OR5V1: variants seen among roughly 807,000 people sequenced by gnomAD.
OR5V1 encodes the protein olfactory receptor 5V1.
For synonymous variants in OR5V1, 134 were observed against 143.2 expected, an observed-to-expected ratio of 0.94 and a Z score of 0.46; for missense variants, 365 against 371.5, an observed-to-expected ratio of 0.98 and a Z score of 0.14.
At chr6:29,359,677 C>T (rs948129878) in intron 1 of OR5V1, among the ~76,000 whole-genome samples, 7 of 152,270 alleles carry the variant, frequency 4.6e-5, no homozygotes, top group Non-Finnish European at 5.9e-5. Flanking sequence ...GGTGTGGCAT[C>T]GCCTCACTCG....
intron 1 of OR5V1, among the ~76,000 whole-genome samples, chr6:29,363,820 C>A (rs995882769): frequency 2.6e-5 from 4 of 152,112 alleles, no homozygotes; most frequent in African/African-American, 9.7e-5. Flanking sequence ...CTATTCACAA[C>A]AAACCCATAG....
chr6:29,368,461 A>G (rs1033174238), intron 1 of OR5V1, among the ~76,000 whole-genome samples, 171 bp downstream of exon 1: 1 of 152,136 alleles, frequency 6.6e-6, no homozygotes, highest in African/African-American at 2.4e-5. Context: ...GCTGATTGTC[A>G]CCCAAAGCAT....
At chr6:29,360,593 G>C (rs1778521747) in intron 1 of OR5V1, among the ~76,000 whole-genome samples, 1 of 152,192 alleles carries the variant, frequency 6.6e-6, no homozygotes, top group Non-Finnish European at 1.5e-5. Flanking sequence ...GGCAGTAATA[G>C]TTGCCGTTCT....
At position 29,363,278 on chromosome 6, in the gene OR5V1, A is replaced by C. The variant is rs185847741; in HGVS notation, c.-83+5354T>G. 8.6e-3 allele frequency among the ~76,000 whole-genome samples: 1,317 copies of C among 152,326 alleles called. 10 individuals carry two copies. Among genetic ancestry groups the C allele is most frequent in the Non-Finnish European group, 0.013 (893 of 68,022 alleles). On this transcript the variant is annotated intron_variant, in intron 1 of 1. Coordinates refer to ENST00000641768, the MANE Select transcript of OR5V1 (RefSeq NM_030876.6). ...AAGTCGAATCCCTGAATAGACCAAT[A>C]ACAAGTACTGAAATTGAGGCAGTAA...
Position 29,355,215 on chromosome 6 carries a change from T to C in OR5V1, c.*15A>G, listed in dbSNP as rs373766050. ...AAGTTAATTTTGTAGTATAAGATTATTGAACCTGTGAGGTTCAATAAGTGA... is the reference window on the plus strand; with the variant it reads ...AAGTTAATTTTGTAGTATAAGATTACTGAACCTGTGAGGTTCAATAAGTGA... On this transcript the variant is annotated 3_prime_UTR_variant, in exon 2 of 2. Transcript: ENST00000641768. 1.0e-5 allele frequency: 16 copies of C among 1,550,578 alleles called. No individual in the cohort carries two copies. Among genetic ancestry groups the C allele is most frequent in the African/African-American group, 1.4e-5 (1 of 72,130 alleles).
chr6:29,356,442 C>T (rs1422038826), intron 1 of OR5V1, among the ~76,000 whole-genome samples, 165 bp from the exon 2 acceptor site: 5 of 152,140 alleles, frequency 3.3e-5, no homozygotes, highest in East Asian at 1.9e-4. Flanking sequence ...AAATATACAA[C>T]ACTGGAAGTT....
At chr6:29,368,526 C>T (rs548563387) in intron 1 of OR5V1, 106 bp downstream of exon 1, 1 of 152,168 alleles carries the variant, frequency 6.6e-6, no homozygotes, top group African/African-American at 2.4e-5. Context: ...CATTACACTT[C>T]CATCTCCTAC....
chr6:29,365,940 G>T (rs1006159563), intron 1 of OR5V1, among the ~76,000 whole-genome samples: 8 of 152,192 alleles, frequency 5.3e-5, no homozygotes, highest in Non-Finnish European at 1.0e-4. Flanking sequence ...TAAAGAAAAT[G>T]TGGCACATAT....
intron 1 of OR5V1, among the ~76,000 whole-genome samples, chr6:29,368,322 G>A (rs1173935316): frequency 6.6e-6 from 1 of 152,114 alleles, no homozygotes; most frequent in Non-Finnish European, 1.5e-5. Flanking sequence ...TGGCATTTTA[G>A]TCTCTTTTTG....
At chr6:29,360,772 G>A (rs1186800289) in intron 1 of OR5V1, among the ~76,000 whole-genome samples, 2 of 152,060 alleles carry the variant, frequency 1.3e-5, no homozygotes, top group Non-Finnish European at 2.9e-5. Flanking sequence ...CCATCCAAAG[G>A]TCATCAACCT....
At position 29,355,335 on chromosome 6, in the gene OR5V1, A is replaced by G. The variant is rs757878500; in HGVS notation, c.861T>C (p.Pro287=). ...CCTTATTCCTCAATGTGTAAATTAT[A>G]GGGTTTAGCATGGGGGTAACAACAC... The part of the protein sequence containing the change: ...LYSVVTPMLN[P]IIYTLRNKDI... Residue 287 remains proline, a synonymous_variant, in exon 2 of 2, where the codon CCT becomes CCC. Coordinates refer to ENST00000641768, the MANE Select transcript of OR5V1 (RefSeq NM_030876.6). The G allele has an allele frequency of 1.2e-6, 2 of 1,613,996 alleles. No individual in the cohort carries two copies.
At chr6:29,357,953 A>G (rs527853358) in intron 1 of OR5V1, among the ~76,000 whole-genome samples, 18 of 152,174 alleles carry the variant, frequency 1.2e-4, no homozygotes, top group Admixed American at 2.0e-4. Context: ...TTCAAACTAT[A>G]TACTTTATCG....
intron 1 of OR5V1, among the ~76,000 whole-genome samples, chr6:29,361,654 C>G (rs1213383813): frequency 1.3e-5 from 2 of 152,100 alleles, no homozygotes; most frequent in Non-Finnish European, 2.9e-5. Flanking sequence ...AAAGAATTTT[C>G]AACTCAGAAT....
intron 1 of OR5V1, among the ~76,000 whole-genome samples, chr6:29,367,462 T>A (rs891509087): frequency 2.6e-5 from 4 of 152,204 alleles, no homozygotes; most frequent in Non-Finnish European, 5.9e-5. Context: ...ACTGTTGGAA[T>A]ATAAGGCAGT....
At chr6:29,360,739 A>G (rs9257779) in intron 1 of OR5V1, among the ~76,000 whole-genome samples, 18,821 of 152,182 alleles carry the variant, frequency 0.12, 1,279 homozygotes, top group African/African-American at 0.15. Flanking sequence ...CAACATCAAC[A>G]AAAAGGACCC....
At position 29,358,487 on chromosome 6, in the gene OR5V1, A is replaced by G. The variant is rs1480593089; in HGVS notation, c.-82-2210T>C. ...TATATTCAAAGGAATTGAAATCAGT[A>G]TCTCAAAGAGATATCTGCACTCCCA... On this transcript the variant is annotated intron_variant, in intron 1 of 1. Transcript: ENST00000641768. 2.6e-5 allele frequency among the ~76,000 whole-genome samples: 4 copies of G among 152,242 alleles called. No individual in the cohort carries two copies. The East Asian group carries it at 7.7e-4, about 29-fold the overall frequency.
intron 1 of OR5V1, among the ~76,000 whole-genome samples, chr6:29,356,669 C>T (rs944896158): frequency 3.3e-5 from 5 of 151,842 alleles, no homozygotes; most frequent in Non-Finnish European, 5.9e-5. Context: ...TATTCTTTTC[C>T]GATTAAAATT....
chr6:29,356,339 G>C, intron 1 of OR5V1, 62 bp from the exon 2 acceptor site: 1 of 937,312 alleles, frequency 1.1e-6, no homozygotes, highest in Non-Finnish European at 1.5e-6. Context: ...TCAAACCAGA[G>C]AAGCAGCATT....
At position 29,355,338 on chromosome 6, in the gene OR5V1, G is replaced by T; in HGVS notation, c.858C>A (p.Asn286Lys). The change falls in exon 2 of 2, where the codon AAC (asparagine) becomes AAA (lysine). Residue 286 changes from asparagine to lysine, a missense_variant. Coordinates refer to ENST00000641768, the MANE Select transcript of OR5V1 (RefSeq NM_030876.6). ...TATTCCTCAATGTGTAAATTATAGG[G>T]TTTAGCATGGGGGTAACAACACTGT... ...VLYSVVTPMLNPIIYTLRNKD... is the reference protein window; with the variant it reads ...VLYSVVTPMLKPIIYTLRNKD... The T allele has an allele frequency of 6.2e-7, 1 of 1,613,958 alleles. No individual in the cohort carries two copies. The highest frequency in any genetic ancestry group is 8.5e-7 in the Non-Finnish European group (1 of 1,179,874).
Sources: allele counts gnomAD v4.1 joint callset (sites outside exome capture counted in the v4.1 genomes callset), GRCh38; gene constraint gnomAD v4.1.1; transcripts MANE v1.5; gene names NCBI Gene and HGNC (gene_info 2026-07-23, HGNC 2026-07-21).